Variants in CFAP299 observed in about 807,000 individuals in gnomAD.
The protein encoded by CFAP299 is cilia- and flagella-associated protein 299.
A neutral mutation model predicts 27.0 loss-of-function variants in CFAP299; 21 were observed. The observed-to-expected ratio is 0.78, with a 90% CI of 0.55 to 1.12. The LOEUF is 1.12. Among genes scored for constraint, CFAP299 ranks in the 50% most tolerant of loss-of-function variants. The pLI is 0.00. For synonymous variants in CFAP299, 104 were observed against 98.1 expected (o/e 1.06, Z -0.36); for missense variants, 310 against 276.6 (o/e 1.12, Z -0.86).
At chr4:80,799,581 AATATAT>A (rs1560416744) in intron 3 of CFAP299, among the ~76,000 whole-genome samples, 5 of 40,708 alleles carry the variant, frequency 1.2e-4, no homozygotes, top group Non-Finnish European at 1.8e-4. Context: ...ATATTTATAA[AATATAT>A]TATATAAAAT....
At chr4:80,399,139 A>T (rs1725992747) in intron 2 of CFAP299, among the ~76,000 whole-genome samples, 1 of 152,226 alleles carries the variant, frequency 6.6e-6, no homozygotes, top group African/African-American at 2.4e-5. Context: ...AACCACAATG[A>T]GATACCATCT....
intron 3 of CFAP299, among the ~76,000 whole-genome samples, chr4:80,850,599 G>C (rs1394083885): frequency 1.3e-5 from 2 of 152,044 alleles, no homozygotes; most frequent in East Asian, 3.9e-4. Flanking sequence ...ATGTAAGGGA[G>C]AGGTGAGAGT....
Position 80,626,860 on chromosome 4 carries a change from A to G in CFAP299, c.333+43677A>G, listed in dbSNP as rs548459213. 4.6e-4 allele frequency among the ~76,000 whole-genome samples: 69 copies of G among 151,602 alleles called. No individual in the cohort carries two copies. In the South Asian group the frequency reaches 0.014, roughly 31 times the overall value. ...GATTGAATCAGCAATAAAGTCTCCT[A>G]TCAAAGAAGAGTCTGGGACATGGTG... On this transcript the variant is annotated intron_variant, in intron 3 of 5. Coordinates refer to ENST00000358105, the MANE Select transcript of CFAP299 (RefSeq NM_152770.3).
At chr4:80,935,782 C>G (rs960257531) in intron 4 of CFAP299, among the ~76,000 whole-genome samples, 4 of 152,028 alleles carry the variant, frequency 2.6e-5, no homozygotes, top group Admixed American at 2.6e-4. Context: ...AACAGGCAAC[C>G]TACAGAATGA....
At chr4:80,776,021 T>TC (rs1369344802) in intron 3 of CFAP299, among the ~76,000 whole-genome samples, 6 of 152,084 alleles carry the variant, frequency 3.9e-5, no homozygotes, top group Non-Finnish European at 8.8e-5. Context: ...CTTCTTTTTC[T>TC]CCCCCTGGAT....
intron 3 of CFAP299, among the ~76,000 whole-genome samples, chr4:80,864,695 GAT>G (rs891173047): frequency 2.6e-5 from 4 of 151,490 alleles, no homozygotes; most frequent in Non-Finnish European, 5.9e-5. Flanking sequence ...ATGGAATTCT[GAT>G]ATGATTATTC....
At chr4:80,887,999 G>A (rs971152679) in intron 4 of CFAP299, among the ~76,000 whole-genome samples, 14 of 151,824 alleles carry the variant, frequency 9.2e-5, no homozygotes, top group Non-Finnish European at 1.6e-4. Flanking sequence ...TAAAAAAATA[G>A]GAAAGTAAAG....
At chr4:80,411,441 A>G (rs1726715254) in intron 2 of CFAP299, among the ~76,000 whole-genome samples, 1 of 152,150 alleles carries the variant, frequency 6.6e-6, no homozygotes, top group African/African-American at 2.4e-5. Flanking sequence ...TAGTACTGGG[A>G]AAAATCTAGA....
At chr4:80,732,425 C>T (rs1313124309) in intron 3 of CFAP299, among the ~76,000 whole-genome samples, 1 of 152,122 alleles carries the variant, frequency 6.6e-6, no homozygotes, top group Non-Finnish European at 1.5e-5. Context: ...AGTGCTGTCT[C>T]ATACAAGGGT....
At chr4:80,771,661 A>T (rs1726224501) in intron 3 of CFAP299, among the ~76,000 whole-genome samples, 1 of 152,060 alleles carries the variant, frequency 6.6e-6, no homozygotes, top group Non-Finnish European at 1.5e-5. Context: ...GGTAGTGGGG[A>T]CCCATGCTCC....
intron 4 of CFAP299, among the ~76,000 whole-genome samples, chr4:80,874,339 G>A (rs888917902): frequency 2.0e-5 from 3 of 152,202 alleles, no homozygotes; most frequent in Non-Finnish European, 2.9e-5. Flanking sequence ...TCCTTGATAC[G>A]CAAAGTATAG....
At chr4:80,648,419 A>G (rs896287900) in intron 3 of CFAP299, among the ~76,000 whole-genome samples, 1 of 152,164 alleles carries the variant, frequency 6.6e-6, no homozygotes, top group Non-Finnish European at 1.5e-5. Context: ...TGTGCTTTGT[A>G]TGATCCTCTC....
chr4:80,523,126 G>A (rs1733003411), intron 2 of CFAP299, among the ~76,000 whole-genome samples: 1 of 152,084 alleles, frequency 6.6e-6, no homozygotes, highest in African/African-American at 2.4e-5. Context: ...CCAATCATGA[G>A]CATAGAGTAT....
chr4:80,643,424 G>A (rs546019366), intron 3 of CFAP299, among the ~76,000 whole-genome samples: 38 of 152,250 alleles, frequency 2.5e-4, no homozygotes, highest in African/African-American at 7.7e-4. Context: ...AAAGGATTGT[G>A]GATAAATGGG....
chr4:80,859,787 GT>G (rs1732195063), intron 3 of CFAP299, among the ~76,000 whole-genome samples: 1 of 152,170 alleles, frequency 6.6e-6, no homozygotes, highest in South Asian at 2.1e-4. Context: ...CCGCTTGTTA[GT>G]CTGATCCACT....
intron 2 of CFAP299, among the ~76,000 whole-genome samples, chr4:80,557,842 G>A (rs1456543912): frequency 6.6e-6 from 1 of 152,082 alleles, no homozygotes; most frequent in Non-Finnish European, 1.5e-5. Flanking sequence ...CTTTAAAAGA[G>A]CATCATCACA....
At chr4:80,824,528 G>A (rs1729879937) in intron 3 of CFAP299, among the ~76,000 whole-genome samples, 1 of 152,096 alleles carries the variant, frequency 6.6e-6, no homozygotes, top group Non-Finnish European at 1.5e-5. Flanking sequence ...GATCTAAAGG[G>A]CCAGTGCCTC....
At chr4:80,457,884 C>A (rs973665636) in intron 2 of CFAP299, among the ~76,000 whole-genome samples, 1 of 152,112 alleles carries the variant, frequency 6.6e-6, no homozygotes, top group Non-Finnish European at 1.5e-5. Flanking sequence ...TTTTCTGAAA[C>A]GTTACTTCTG....
intron 3 of CFAP299, among the ~76,000 whole-genome samples, chr4:80,587,096 C>T (rs1196914564): frequency 6.6e-6 from 1 of 152,150 alleles, no homozygotes; most frequent in Non-Finnish European, 1.5e-5. Context: ...GATCTTTTCC[C>T]TCCTTCCTAT....
Sources: gnomAD v4.1 joint callset for allele counts (sites outside exome capture counted in the v4.1 genomes callset) on GRCh38, gnomAD v4.1.1 for gene constraint, MANE v1.5 for transcripts, NCBI Gene and HGNC (gene_info 2026-07-23, HGNC 2026-07-21) for gene names.